The following SLC8A2 variants were observed in gnomAD, a reference collection of about 807,000 sequenced individuals.
SLC8A2 encodes solute carrier family 8 member A2, also known as sodium/calcium exchanger 2.
Under a neutral mutation model 70.2 loss-of-function variants are expected in SLC8A2, and 14 were observed. That is an observed-to-expected ratio of 0.20 (90% CI 0.13 to 0.31). The LOEUF is 0.31. SLC8A2 is among the 10% of genes least tolerant of loss of function. The probability of loss-of-function intolerance (pLI) is 1.00; values close to 1 mark genes in which losing one functional copy is unlikely to be tolerated. For synonymous variants in SLC8A2, 575 were observed against 594.3 expected, an observed-to-expected ratio of 0.97 and a Z score of 0.47; for missense variants, 779 against 1,320.1, an observed-to-expected ratio of 0.59 and a Z score of 6.35.
intron 1 of SLC8A2, among the ~76,000 whole-genome samples, chr19:47,470,747 G>A (rs1967526168): frequency 6.6e-6 from 1 of 152,222 alleles, no homozygotes; most frequent in Non-Finnish European, 1.5e-5. Context: ...AGATTGAAGG[G>A]AGGTCTGGTC....
intron 2 of SLC8A2, among the ~76,000 whole-genome samples, chr19:47,459,925 C>T (rs910217192): frequency 3.5e-4 from 53 of 152,106 alleles, no homozygotes; most frequent in Non-Finnish European, 6.5e-4. Context: ...CATCCACTAC[C>T]AAGCAACAGA....
At chr19:47,451,551 C>T (rs552282873) in intron 3 of SLC8A2, among the ~76,000 whole-genome samples, 15 of 151,710 alleles carry the variant, frequency 9.9e-5, no homozygotes, top group African/African-American at 2.7e-4. Context: ...TCAAGCAATC[C>T]GCTGGCCTTG....
chr19:47,457,509 TTG>T lies in SLC8A2; in HGVS notation c.759_760del (p.Tyr253Ter). 1 of 1,605,682 alleles carries T rather than the reference TTG, an allele frequency of 6.2e-7. No individual in the cohort carries two copies. Among genetic ancestry groups the T allele is most frequent in the Non-Finnish European group, 8.5e-7 (1 of 1,177,232 alleles). On this transcript the variant is annotated stop_gained and frameshift_variant, in exon 3 of 10. Coordinates refer to ENST00000236877, the MANE Select transcript of SLC8A2 (RefSeq NM_015063.3). LOFTEE classifies it high-confidence loss of function. The stretch of plus-strand genomic sequence containing the variant: ...GGTGCGGTAGCGCTTGTACACGTAC[TTG>T]TAGAAGAGCAGCCGCTTGTCGGCCA...
rs778498345 is a variant in SLC8A2 at position 47,430,082 on chromosome 19, C to G, written c.*7G>C. On this transcript the variant is annotated 3_prime_UTR_variant, in exon 10 of 10. Coordinates refer to ENST00000236877, the MANE Select transcript of SLC8A2 (RefSeq NM_015063.3). This position sits in a 1 kb window ranked among gnomAD's most constrained non-coding sequence, Gnocchi z 5.9. ...CGGGCGGTGGGGACGAGTCTCTGCG[C>G]GAGGCCCTAGAAGCCCCGGATGTGG... 2.4e-5 allele frequency: 38 copies of G among 1,576,684 alleles called. No homozygotes were observed. Among genetic ancestry groups the G allele is most frequent in the Non-Finnish European group, 3.0e-5 (35 of 1,160,906 alleles).
intron 9 of SLC8A2, among the ~76,000 whole-genome samples, chr19:47,431,329 C>A (rs960625706): frequency 1.4e-4 from 21 of 152,080 alleles, no homozygotes; most frequent in Non-Finnish European, 1.9e-4. Flanking sequence ...AGCCACCACA[C>A]CCCACCTGCC....
intron 1 of SLC8A2, among the ~76,000 whole-genome samples, chr19:47,469,403 T>C (rs1967505066): frequency 6.6e-6 from 1 of 151,974 alleles, no homozygotes; most frequent in Admixed American, 6.6e-5. Context: ...CAAACCCCGC[T>C]CTCTCTGGGA....
rs764732129 is a variant in SLC8A2 at position 47,465,269 on chromosome 19, C to T, written c.675+460G>A. Among the ~76,000 whole-genome samples the T allele has an allele frequency of 3.3e-5, 5 of 152,006 alleles. No homozygotes were observed. The highest frequency in any genetic ancestry group is 2.0e-4 in the Admixed American group (3 of 15,216). ...ATATGCAAGGGTAGTATGAATTATG[C>T]GAATGGAGGATGTCTTATTGCAAAA... is the stretch of plus-strand genomic sequence containing the variant. On this transcript the variant is annotated intron_variant, in intron 2 of 9. Coordinates refer to ENST00000236877, the MANE Select transcript of SLC8A2 (RefSeq NM_015063.3). The surrounding 1 kb of genome is among the most constrained non-coding windows in gnomAD (Gnocchi z 5.5).
intron 9 of SLC8A2, among the ~76,000 whole-genome samples, chr19:47,431,492 C>T (rs1004289489): frequency 1.9e-4 from 28 of 151,306 alleles, no homozygotes; most frequent in Middle Eastern, 6.8e-3. Flanking sequence ...CTACTAAAAA[C>T]GTAAAAATTA....
chr19:47,447,758 T>C lies in SLC8A2; in HGVS notation c.1763+51A>G, dbSNP rs1227183596. On this transcript the variant is annotated intron_variant, in intron 4 of 9. Coordinates refer to ENST00000236877, the MANE Select transcript of SLC8A2 (RefSeq NM_015063.3). This position sits in a 1 kb window ranked among gnomAD's most constrained non-coding sequence, Gnocchi z 5.1. ...CCCCGCCCCTGAGCCACATCAGGCCTCGCCCATTCCGAAGCCCCGCCCCTC... is the reference window on the plus strand; with the variant it reads ...CCCCGCCCCTGAGCCACATCAGGCCCCGCCCATTCCGAAGCCCCGCCCCTC... The C allele has an allele frequency of 4.0e-6, 6 of 1,503,290 alleles. No individual in the cohort carries two copies. Among genetic ancestry groups the C allele is most frequent in the Non-Finnish European group, 5.3e-6 (6 of 1,134,948 alleles). The allele number at this position is 1,503,290 out of a possible 1,614,324, so 93.1% of individuals were successfully genotyped here.
rs1000334946 is a variant in SLC8A2, at chr19:47,448,505, A to G, written c.1341-274T>C. 1.3e-5 allele frequency among the ~76,000 whole-genome samples: 2 copies of G among 152,140 alleles called. No individual in the cohort carries two copies. The highest frequency in any genetic ancestry group is 2.9e-5 in the Non-Finnish European group (2 of 68,016). The stretch of plus-strand genomic sequence containing the variant: ...GAAGGTGGGAATTAAACAGGTAATG[A>G]TAAGGTTGAGATCAGGGCAGGCTTC... On this transcript the variant is annotated intron_variant, in intron 3 of 9. Transcript: ENST00000236877. This position sits in a 1 kb window ranked among gnomAD's most constrained non-coding sequence, Gnocchi z 4.8.
At chr19:47,463,697 AAGAAAT>A (rs1334113544) in intron 2 of SLC8A2, among the ~76,000 whole-genome samples, 1 of 151,546 alleles carries the variant, frequency 6.6e-6, no homozygotes, top group African/African-American at 2.4e-5. Context: ...AAAAAAAAGA[AAGAAAT>A]AGAAATCTTT....
intron 1 of SLC8A2, among the ~76,000 whole-genome samples, chr19:47,469,687 G>A (rs1314184323): frequency 1.3e-5 from 2 of 152,214 alleles, no homozygotes; most frequent in Admixed American, 6.5e-5. Flanking sequence ...ACCAGGGACC[G>A]TGGGCTCCCT....
intron 4 of SLC8A2, 55 bp from the exon 5 acceptor site, chr19:47,441,495 A>T (rs1967099412): frequency 1.9e-6 from 2 of 1,070,978 alleles, no homozygotes; most frequent in Non-Finnish European, 2.8e-6. Flanking sequence ...CCCTCCCCAG[A>T]CTCACCAGGC....
intron 6 of SLC8A2, 103 bp from the exon 7 acceptor site, chr19:47,438,076 C>T: frequency 6.8e-7 from 1 of 1,469,198 alleles, no homozygotes; most frequent in Non-Finnish European, 9.4e-7. Context: ...CCTATCTGTT[C>T]TCCTCTGGGA....
At chr19:47,444,745 C>A (rs1190589889) in intron 4 of SLC8A2, among the ~76,000 whole-genome samples, 1 of 152,198 alleles carries the variant, frequency 6.6e-6, no homozygotes, top group Non-Finnish European at 1.5e-5. Context: ...AAACCCAACG[C>A]GCAGGAAACA....
intron 2 of SLC8A2, among the ~76,000 whole-genome samples, chr19:47,461,678 C>T (rs73940850): frequency 2.0e-5 from 3 of 152,188 alleles, no homozygotes; most frequent in Non-Finnish European, 4.4e-5. Flanking sequence ...GGAAAAGGAG[C>T]CGAATGTTCA....
chr19:47,447,599 G>A lies in SLC8A2; in HGVS notation c.1763+210C>T. ...CCCCTCTCCTCCTGAGGGCCCAGCT[G>A]TTCAGTGAAGCCCCGCCCACGTCGT... is the stretch of plus-strand genomic sequence containing the variant. On this transcript the variant is annotated intron_variant, in intron 4 of 9. Coordinates refer to ENST00000236877, the MANE Select transcript of SLC8A2 (RefSeq NM_015063.3). The surrounding 1 kb of genome is among the most constrained non-coding windows in gnomAD (Gnocchi z 5.1). 5.6e-6 allele frequency: 3 copies of A among 536,776 alleles called. No homozygotes were observed. The highest frequency in any genetic ancestry group is 9.7e-6 in the Non-Finnish European group (3 of 310,668). 33.3% of individuals were successfully genotyped at this position (536,776 alleles called of 1,614,324 possible). A position where few individuals can be genotyped will look rare whatever the true frequency, so the allele number is the denominator to read the frequency against.
At position 47,457,526 on chromosome 19, in the gene SLC8A2, C is replaced by T. The variant is rs918516527; in HGVS notation, c.744G>A (p.Lys248=). 1.4e-5 allele frequency: 23 copies of T among 1,603,474 alleles called. No homozygotes were observed. Among genetic ancestry groups the T allele is most frequent in the Non-Finnish European group, 2.0e-5 (23 of 1,176,238 alleles). Residue 248 remains lysine (K), a synonymous_variant, in exon 3 of 10, where the codon AAG becomes AAA. Transcript: ENST00000236877. ...VCVVFAWMAD[K]RLLFYKYVYK... ...ACACGTACTTGTAGAAGAGCAGCCGCTTGTCGGCCATCCAGGCGAATACCA... is the reference window on the plus strand; with the variant it reads ...ACACGTACTTGTAGAAGAGCAGCCGTTTGTCGGCCATCCAGGCGAATACCA...
intron 2 of SLC8A2, among the ~76,000 whole-genome samples, chr19:47,460,740 C>T (rs1335345022): frequency 1.3e-5 from 2 of 151,250 alleles, no homozygotes; most frequent in Admixed American, 1.3e-4. Context: ...ACATCGCCAT[C>T]GTTATTATTT....
Sources: allele counts gnomAD v4.1 joint callset (sites outside exome capture counted in the v4.1 genomes callset), GRCh38; gene constraint gnomAD v4.1.1; non-coding constraint Gnocchi (gnomAD v3.1); transcripts MANE v1.5; gene names NCBI Gene and HGNC (gene_info 2026-07-23, HGNC 2026-07-21).